Variants in VSIG8 observed in about 807,000 individuals in gnomAD.
VSIG8 encodes V-set and immunoglobulin domain containing 8, also known as V-set and immunoglobulin domain-containing protein 8.
VSIG8 carries 32 observed loss-of-function variants against 42.6 expected under a neutral mutation model. That is an observed-to-expected ratio of 0.75 (90% CI 0.57 to 1.01). The LOEUF (loss-of-function observed/expected upper bound fraction) is 1.01. Among genes scored for constraint, VSIG8 ranks in the 50% least tolerant of loss-of-function variants. The probability of loss-of-function intolerance (pLI) is 0.00; values close to 1 mark genes in which losing one functional copy is unlikely to be tolerated. For synonymous variants in VSIG8, 290 were observed against 243.8 expected (o/e 1.19, Z -1.77); for missense variants, 529 against 558.0 (o/e 0.95, Z 0.52).
chr1:159,862,234 A>C, intron 1 of VSIG8: 1 of 443,512 alleles, frequency 2.3e-6, no homozygotes, highest in East Asian at 3.4e-5. Context: ...CCGACAGGGG[A>C]CATATAAAGA....
chr1:159,861,790 G>A (rs919484882), intron 1 of VSIG8: 4 of 152,270 alleles, frequency 2.6e-5, no homozygotes, highest in Admixed American at 2.6e-4. Flanking sequence ...GTCCAAACTT[G>A]AGCCCTGCCC....
At position 159,854,462 on chromosome 1, in the gene VSIG8, G is replaced by A; in HGVS notation, c.*291C>T. 1 of 422,276 alleles carries A rather than the reference G, an allele frequency of 2.4e-6. No individual in the cohort carries two copies. Among genetic ancestry groups the A allele is most frequent in the Non-Finnish European group, 3.7e-6 (1 of 267,596 alleles). 26.2% of individuals were successfully genotyped at this position (422,276 alleles called of 1,614,324 possible). A position where few individuals can be genotyped will look rare whatever the true frequency, so the allele number is the denominator to read the frequency against. ...TGGGGACACCAGGCCTCCGGCCTCA[G>A]CCGCTCTAGGACACTCAGCCTCCTC... is the stretch of plus-strand genomic sequence containing the variant. On this transcript the variant is annotated 3_prime_UTR_variant, in exon 7 of 7. Transcript: ENST00000368100.
chr1:159,861,945 A>T (rs1204256434), intron 1 of VSIG8: 1 of 152,550 alleles, frequency 6.6e-6, no homozygotes, highest in African/African-American at 2.4e-5. Flanking sequence ...ACTGGCCATG[A>T]TGGAAGAAAC....
rs1381374765 is a variant in VSIG8 at position 159,854,951 on chromosome 1, C to G, written c.1047G>C (p.Thr349=). ...SRVTHLLGYP[T]QNVSRSLRRK... ...GGCGCAGGGAGCGGCTGACGTTCTG[C>G]GTCGGGTACCCCAGGAGGTGGGTGA... is the stretch of plus-strand genomic sequence containing the variant. The change falls in exon 7 of 7, where the codon ACG becomes ACC. Residue 349 remains threonine (T), a synonymous_variant. Coordinates refer to ENST00000368100, the MANE Select transcript of VSIG8 (RefSeq NM_001013661.1). 1 of 1,535,826 alleles carries G rather than the reference C, an allele frequency of 6.5e-7. No individual in the cohort carries two copies. The highest frequency in any genetic ancestry group is 1.9e-5 in the Admixed American group (1 of 51,510).
At chr1:159,859,052 G>A (rs1648940904) in intron 1 of VSIG8, 140 bp from the exon 2 acceptor site, 5 of 808,694 alleles carry the variant, frequency 6.2e-6, no homozygotes, top group East Asian at 2.7e-5. Flanking sequence ...AGGGCTGCTC[G>A]TAGTGGGTGT....
Position 159,858,296 on chromosome 1 carries a change from G to A in VSIG8, c.229-5C>T, listed in dbSNP as rs772331842. The A allele has an allele frequency of 6.2e-7, 1 of 1,614,198 alleles. No individual in the cohort carries two copies. The highest frequency in any genetic ancestry group is 8.5e-7 in the Non-Finnish European group (1 of 1,180,012). The stretch of plus-strand genomic sequence containing the variant: ...CTTGTCCTGGTAACTAAGGAACTGT[G>A]AAGAGGAGAGGAAAACAGGTGGTGA... On this transcript the variant is annotated splice_polypyrimidine_tract_variant and splice_region_variant and intron_variant, in intron 2 of 6. Transcript: ENST00000368100.
chr1:159,859,209 G>T (rs1648946788), intron 1 of VSIG8, among the ~76,000 whole-genome samples: 1 of 152,194 alleles, frequency 6.6e-6, no homozygotes, highest in South Asian at 2.1e-4. Flanking sequence ...GTATGCTTAT[G>T]AGTATTTGTG....
In VSIG8 at chr1:159,862,608, G is replaced by A. The variant is rs1403818560; in HGVS notation, c.-87C>T. On this transcript the variant is annotated 5_prime_UTR_variant, in exon 1 of 7. Coordinates refer to ENST00000368100, the MANE Select transcript of VSIG8 (RefSeq NM_001013661.1). ...TGTGAGGGGGTAGGTGGAGGGAGGG[G>A]GAGCTGAGGGCCCAGACACTGCCTG... The A allele has an allele frequency of 8.0e-7, 1 of 1,247,380 alleles. No individual in the cohort carries two copies. The allele number at this position is 1,247,380 out of a possible 1,614,324, so 77.3% of individuals were successfully genotyped here.
chr1:159,859,330 A>G (rs943818009), intron 1 of VSIG8, among the ~76,000 whole-genome samples: 13 of 152,168 alleles, frequency 8.5e-5, no homozygotes, highest in Admixed American at 7.9e-4. Flanking sequence ...CATGTGGTAC[A>G]CACAGAGTTG....
Position 159,854,954 on chromosome 1 carries a change from C to T in VSIG8, c.1044G>A (p.Pro348=). ...GCAGGGAGCGGCTGACGTTCTGCGT[C>T]GGGTACCCCAGGAGGTGGGTGACGC... ...GSRVTHLLGY[P]TQNVSRSLRR... The change falls in exon 7 of 7, where the codon CCG becomes CCA. Residue 348 remains proline (P), a synonymous_variant. Coordinates refer to ENST00000368100, the MANE Select transcript of VSIG8 (RefSeq NM_001013661.1). 2 of 1,538,698 alleles carry T rather than the reference C, an allele frequency of 1.3e-6. No individual in the cohort carries two copies. The highest frequency in any genetic ancestry group is 1.7e-6 in the Non-Finnish European group (2 of 1,150,206).
chr1:159,862,178 C>T, intron 1 of VSIG8: 1 of 368,274 alleles, frequency 2.7e-6, no homozygotes, highest in Non-Finnish European at 4.9e-6. Flanking sequence ...CCCTCTCCTC[C>T]TAGTCACGGC....
rs914132581 is a variant in VSIG8, at chr1:159,854,843, G to C, written c.1155C>G (p.Gly385=). The change falls in exon 7 of 7, where the codon GGC becomes GGG. Residue 385 remains glycine, a synonymous_variant. Coordinates refer to ENST00000368100, the MANE Select transcript of VSIG8 (RefSeq NM_001013661.1). Reference sequence around the variant, plus strand: ...TGACCTTGACGTAGACCGGGGAGGGGCCCGCTTCGCAGGCGGCGGCGGCGG... The same window carrying C: ...TGACCTTGACGTAGACCGGGGAGGGCCCCGCTTCGCAGGCGGCGGCGGCGG... ...PCTAAAACEA[G]PSPVYVKVKS... 1.3e-6 allele frequency: 2 copies of C among 1,486,088 alleles called. No homozygotes were observed. The highest frequency in any genetic ancestry group is 2.8e-5 in the East Asian group (1 of 35,390). 92.1% of individuals were successfully genotyped at this position (1,486,088 alleles called of 1,614,324 possible).
At position 159,854,992 on chromosome 1, in the gene VSIG8, C is replaced by T. The variant is rs868160814; in HGVS notation, c.1006G>A (p.Gly336Arg). 2 of 1,561,504 alleles carry T rather than the reference C, an allele frequency of 1.3e-6. No individual in the cohort carries two copies. Among genetic ancestry groups the T allele is most frequent in the South Asian group, 1.2e-5 (1 of 85,724 alleles). The change falls in exon 7 of 7, where the codon GGG becomes AGG. Residue 336 changes from glycine (G) to arginine (R), a missense_variant. By Grantham distance (125) the Gly-to-Arg change is moderately radical. Coordinates refer to ENST00000368100, the MANE Select transcript of VSIG8 (RefSeq NM_001013661.1). The stretch of plus-strand genomic sequence containing the variant: ...AGGTGGGTGACGCGGCTGCCGCGCC[C>T]GCTGGCCTTGCACCCGGGCGCCACG... ...DAVAPGCKASGRGSRVTHLLG... is the reference protein window; with the variant it reads ...DAVAPGCKASRRGSRVTHLLG...
At chr1:159,856,858 C>T (rs34413912) in intron 4 of VSIG8, among the ~76,000 whole-genome samples, 47,915 of 152,080 alleles carry the variant, frequency 0.32, 9,274 homozygotes, top group Admixed American at 0.44. Flanking sequence ...TCTCTCCCAG[C>T]AGCAAGACAG....
At chr1:159,857,227 C>T (rs138435054) in intron 4 of VSIG8, among the ~76,000 whole-genome samples, 11 of 152,278 alleles carry the variant, frequency 7.2e-5, no homozygotes, top group Non-Finnish European at 8.8e-5. Context: ...CCTCCAAATT[C>T]GCCATAGTAC....
chr1:159,856,076 G>A lies in VSIG8; in HGVS notation c.778C>T (p.Arg260Trp). The change falls in exon 6 of 7, where the codon CGG becomes TGG. Residue 260 changes from arginine to tryptophan, a missense_variant. By Grantham distance (101) the Arg-to-Trp change is moderately radical (BLOSUM62 -3). Coordinates refer to ENST00000368100, the MANE Select transcript of VSIG8 (RefSeq NM_001013661.1). ...ATGCCGATGATCACGCCTATACGCC[G>A]GGAGTCTGTGGAGAGAAGTGGAGGC... ...CVVEVKVSDSRRIGVIIGIVL... is the reference protein window; with the variant it reads ...CVVEVKVSDSWRIGVIIGIVL... The A allele has an allele frequency of 2.5e-6, 4 of 1,610,484 alleles. No individual in the cohort carries two copies. The highest frequency in any genetic ancestry group is 2.7e-5 in the African/African-American group (2 of 74,926).
At chr1:159,859,255 T>C (rs1648948266) in intron 1 of VSIG8, among the ~76,000 whole-genome samples, 1 of 152,252 alleles carries the variant, frequency 6.6e-6, no homozygotes, top group South Asian at 2.1e-4. Flanking sequence ...TTCATGTACA[T>C]GACCACGTAG....
rs1223593178 is a variant in VSIG8, at chr1:159,856,612, AT to A, written c.683del (p.Asp228ValfsTer27). 5 of 1,614,142 alleles carry A rather than the reference AT, an allele frequency of 3.1e-6. No homozygotes were observed. On this transcript the variant is annotated frameshift_variant, in exon 5 of 7. Transcript: ENST00000368100. LOFTEE classifies it high-confidence loss of function. ...ACAGCCCATCATCTGCTCTGGAGAT[AT>A]CCTTCAACACCAGGTCCCCATTGTT... ...GLNNGDLVLKDISRADDGLYQ... is the reference protein window; with the variant it reads ...GLNNGDLVLKXISRADDGLYQ...
At position 159,854,743 on chromosome 1, in the gene VSIG8, G is replaced by T. The variant is rs1378068515; in HGVS notation, c.*10C>A. ...CCTGGCTGGGGCGCAGCCCGGCCCG[G>T]CGCGCGCGCTCACACCAAGAGGCCG... On this transcript the variant is annotated 3_prime_UTR_variant, in exon 7 of 7. Transcript: ENST00000368100. 1 of 1,462,012 alleles carries T rather than the reference G, an allele frequency of 6.8e-7. No homozygotes were observed. Among genetic ancestry groups the T allele is most frequent in the South Asian group, 1.3e-5 (1 of 75,448 alleles). 90.6% of individuals were successfully genotyped at this position (1,462,012 alleles called of 1,614,324 possible).
Sources: allele counts gnomAD v4.1 joint callset (sites outside exome capture counted in the v4.1 genomes callset), GRCh38; gene constraint gnomAD v4.1.1; transcripts MANE v1.5; gene names NCBI Gene and HGNC (gene_info 2026-07-23, HGNC 2026-07-21).